Variants in DGKB observed in about 807,000 individuals in gnomAD.
DGKB encodes the protein 90 kDa diacylglycerol kinase.
DGKB carries 67 observed loss-of-function variants against 114.3 expected under a neutral mutation model. The observed-to-expected ratio is 0.59, with a 90% CI of 0.48 to 0.72. The LOEUF is 0.72. DGKB is among the 30% of genes least tolerant of loss of function. DGKB has a pLI of 0.00. For synonymous variants in DGKB, 398 were observed against 323.1 expected (o/e 1.23, Z -2.49); for missense variants, 907 against 975.2 (o/e 0.93, Z 0.93).
At chr7:14,211,202 G>A (rs879696738) in intron 23 of DGKB, among the ~76,000 whole-genome samples, 8 of 151,896 alleles carry the variant, frequency 5.3e-5, no homozygotes, top group Non-Finnish European at 7.4e-5. Flanking sequence ...AAAATCAAAG[G>A]GCTTCATCAT....
At chr7:14,544,588 C>T (rs1257779960) in intron 20 of DGKB, among the ~76,000 whole-genome samples, 2 of 151,992 alleles carry the variant, frequency 1.3e-5, no homozygotes, top group East Asian at 1.9e-4. Context: ...TCTAACATTG[C>T]TGATACACAA....
intron 5 of DGKB, among the ~76,000 whole-genome samples, chr7:14,725,557 ATT>A (rs113491345): frequency 1.4e-5 from 2 of 145,806 alleles, no homozygotes; most frequent in African/African-American, 2.5e-5. Context: ...GGATATGTTG[ATT>A]TTTTTTTTTT....
At chr7:14,632,869 T>C (rs1314648093) in intron 13 of DGKB, among the ~76,000 whole-genome samples, 1 of 151,938 alleles carries the variant, frequency 6.6e-6, no homozygotes, top group African/African-American at 2.4e-5. Context: ...AAGCCCTTAT[T>C]GACAGGCATC....
In DGKB at chr7:14,442,318, C is replaced by CT. The variant is rs140719568; in HGVS notation, c.1835+35842dup. Among the ~76,000 whole-genome samples the CT allele has an allele frequency of 9.3e-3, 1,407 of 151,698 alleles. 24 individuals are homozygous for CT. Among genetic ancestry groups the CT allele is most frequent in the African/African-American group, 0.033 (1,347 of 41,434 alleles). ...CTGAAATAAATTTCTTTATAATATT[C>CT]TTTTTTTGTTACTTGGGTTTCTATA... On this transcript the variant is annotated intron_variant, in intron 21 of 25. Transcript: ENST00000402815.
intron 5 of DGKB, among the ~76,000 whole-genome samples, chr7:14,728,510 G>A (rs1830354019): frequency 1.3e-5 from 2 of 152,092 alleles, no homozygotes; most frequent in African/African-American, 4.8e-5. Flanking sequence ...TAAGGTCCTT[G>A]GGGCTTTGAC....
intron 1 of DGKB, among the ~76,000 whole-genome samples, chr7:14,880,091 T>A (rs1853986831): frequency 6.6e-6 from 1 of 152,022 alleles, no homozygotes; most frequent in Admixed American, 6.6e-5. Flanking sequence ...GAAAGTGACA[T>A]TTAAAGGGAA....
intron 20 of DGKB, among the ~76,000 whole-genome samples, chr7:14,510,946 G>C (rs1478685788): frequency 6.6e-6 from 1 of 152,316 alleles, no homozygotes; most frequent in East Asian, 1.9e-4. Context: ...GGTCTCAACA[G>C]TAGGATGAAA....
At chr7:14,669,610 A>G (rs1335271769) in intron 13 of DGKB, among the ~76,000 whole-genome samples, 2 of 152,072 alleles carry the variant, frequency 1.3e-5, no homozygotes, top group African/African-American at 4.8e-5. Flanking sequence ...ACCAGTACTT[A>G]TTTATTGTGT....
upstream of DGKB, among the ~76,000 whole-genome samples, chr7:14,907,350 C>T (rs1238599110): frequency 6.6e-6 from 1 of 152,190 alleles, no homozygotes; most frequent in Admixed American, 6.5e-5. Context: ...AGACGTGCTT[C>T]AATTCCCAGC....
At chr7:14,167,678 T>A (rs1240689751) in intron 25 of DGKB, among the ~76,000 whole-genome samples, 1 of 152,162 alleles carries the variant, frequency 6.6e-6, no homozygotes, top group African/African-American at 2.4e-5. Context: ...CAGACAGGCA[T>A]ATGGATCTTT....
At chr7:14,921,926 C>CAA (rs1562877525) in intron 1 of DGKB, among the ~76,000 whole-genome samples, 1 of 152,134 alleles carries the variant, frequency 6.6e-6, no homozygotes, top group African/African-American at 2.4e-5. Flanking sequence ...AGTATCTTCC[C>CAA]AATCCACTGT....
At chr7:14,590,987 G>C (rs1443541295) in intron 17 of DGKB, among the ~76,000 whole-genome samples, 1 of 152,114 alleles carries the variant, frequency 6.6e-6, no homozygotes, top group Non-Finnish European at 1.5e-5. Context: ...ATCTGAAACT[G>C]TAGCTAGCGG....
chr7:14,963,661 G>A (rs1396529509), intron 1 of DGKB, among the ~76,000 whole-genome samples: 1 of 152,182 alleles, frequency 6.6e-6, no homozygotes, highest in Non-Finnish European at 1.5e-5. Context: ...TTGGACAATT[G>A]TTTGATACGC....
chr7:14,506,752 CA>C (rs1787141175), intron 20 of DGKB, among the ~76,000 whole-genome samples: 2 of 152,048 alleles, frequency 1.3e-5, no homozygotes. Context: ...ATTTTCCACA[CA>C]AAAAAGAACA....
intron 13 of DGKB, among the ~76,000 whole-genome samples, chr7:14,661,682 T>G (rs1234392255): frequency 6.6e-6 from 1 of 151,842 alleles, no homozygotes; most frequent in African/African-American, 2.4e-5. Flanking sequence ...AAATACCATT[T>G]GACCCAGCCA....
At chr7:14,762,022 T>C (rs1199666758) in intron 2 of DGKB, among the ~76,000 whole-genome samples, 1 of 152,132 alleles carries the variant, frequency 6.6e-6, no homozygotes, top group Admixed American at 6.6e-5. Context: ...GGCAGGATAC[T>C]TGGAAAACAA....
At chr7:14,225,727 T>A (rs781760165) in intron 23 of DGKB, among the ~76,000 whole-genome samples, 4 of 151,648 alleles carry the variant, frequency 2.6e-5, no homozygotes, top group African/African-American at 4.8e-5. Context: ...GATAGAGATT[T>A]AAAAAAAATA....
intron 23 of DGKB, among the ~76,000 whole-genome samples, chr7:14,210,228 A>G (rs1384515328): frequency 6.6e-6 from 1 of 152,038 alleles, no homozygotes; most frequent in Non-Finnish European, 1.5e-5. Context: ...TATATGATAC[A>G]TCTGGTGGTG....
At chr7:14,161,409 A>G (rs1175182720) in intron 25 of DGKB, among the ~76,000 whole-genome samples, 1 of 152,234 alleles carries the variant, frequency 6.6e-6, no homozygotes, top group Non-Finnish European at 1.5e-5. Flanking sequence ...ACTTGGAACC[A>G]ACACACATGC....
Sources: gnomAD v4.1 joint callset for allele counts (sites outside exome capture counted in the v4.1 genomes callset) on GRCh38, gnomAD v4.1.1 for gene constraint, MANE v1.5 for transcripts, NCBI Gene and HGNC (gene_info 2026-07-23, HGNC 2026-07-21) for gene names.